The following SORCS1 variants were observed in gnomAD, a reference collection of about 807,000 sequenced individuals.
The protein encoded by SORCS1 is sortilin related VPS10 domain containing receptor 1.
SORCS1 carries 60 observed loss-of-function variants against 146.1 expected under a neutral mutation model. The observed-to-expected ratio is 0.41, with a 90% confidence interval of 0.33 to 0.51. The LOEUF is 0.51. SORCS1 is among the 20% of genes least tolerant of loss of function. The probability of loss-of-function intolerance (pLI) is 0.21; values close to 1 mark genes in which losing one functional copy is unlikely to be tolerated. For missense variants in SORCS1, 1,352 were observed against 1,487.6 expected (o/e 0.91, Z 1.50); for synonymous variants, 637 against 584.0 (o/e 1.09, Z -1.31).
chr10:106,759,126 T>C (rs1858884757), intron 5 of SORCS1, among the ~76,000 whole-genome samples: 4 of 152,202 alleles, frequency 2.6e-5, no homozygotes, highest in Non-Finnish European at 5.9e-5. Flanking sequence ...AAGATAAAAA[T>C]GCATTCCTCT....
chr10:106,691,771 C>A (rs1853316839), intron 9 of SORCS1, among the ~76,000 whole-genome samples: 1 of 152,186 alleles, frequency 6.6e-6, no homozygotes, highest in Admixed American at 6.5e-5. Flanking sequence ...CCCAACACTT[C>A]TCTGTTCTTT....
chr10:107,135,102 G>A (rs1967170896), intron 1 of SORCS1, among the ~76,000 whole-genome samples: 2 of 152,272 alleles, frequency 1.3e-5, no homozygotes, highest in East Asian at 3.9e-4. Context: ...TAATCAAAAG[G>A]GGACTGTGGG....
chr10:107,089,754 T>C (rs1465914258), intron 1 of SORCS1, among the ~76,000 whole-genome samples: 1 of 152,148 alleles, frequency 6.6e-6, no homozygotes, highest in Non-Finnish European at 1.5e-5. Context: ...ACAATGATAT[T>C]TGTCACATCT....
At chr10:107,112,841 G>A (rs773926650) in intron 1 of SORCS1, among the ~76,000 whole-genome samples, 9 of 152,008 alleles carry the variant, frequency 5.9e-5, no homozygotes, top group Non-Finnish European at 8.8e-5. Flanking sequence ...CAACACTGAC[G>A]CACCTAAACA....
At chr10:107,083,127 A>G (rs1017738772) in intron 1 of SORCS1, among the ~76,000 whole-genome samples, 3 of 151,676 alleles carry the variant, frequency 2.0e-5, no homozygotes, top group African/African-American at 7.3e-5. Flanking sequence ...AAAAAAAAAA[A>G]AAAAGAAAGT....
At chr10:106,974,220 C>CTCTAAAAGAAAGAAGGACCCTGGTACTCT in intron 1 of SORCS1, among the ~76,000 whole-genome samples, 1 of 152,230 alleles carries the variant, frequency 6.6e-6, no homozygotes, top group South Asian at 2.1e-4. Context: ...GAGTTCTATG[C>CTCTAAAAGAAAGAAGGACCCTGGTACTCT]TCTTAAATTG....
intron 2 of SORCS1, among the ~76,000 whole-genome samples, chr10:106,848,954 C>T (rs1002049705): frequency 6.0e-5 from 9 of 150,816 alleles, no homozygotes; most frequent in South Asian, 2.1e-4. Flanking sequence ...CCGAGAGATC[C>T]GCTGTTAGTC....
At chr10:107,122,514 A>C (rs1282738253) in intron 1 of SORCS1, among the ~76,000 whole-genome samples, 1 of 152,224 alleles carries the variant, frequency 6.6e-6, no homozygotes, top group Non-Finnish European at 1.5e-5. Context: ...CTTTTATCTG[A>C]AGAAGGAAAT....
chr10:106,824,559 A>G (rs1363625814), intron 3 of SORCS1, among the ~76,000 whole-genome samples: 1 of 151,080 alleles, frequency 6.6e-6, no homozygotes, highest in African/African-American at 2.4e-5. Flanking sequence ...ACTGCACTCC[A>G]GCCTGGGCAA....
intron 2 of SORCS1, among the ~76,000 whole-genome samples, chr10:106,888,626 G>T (rs1234313301): frequency 6.6e-6 from 1 of 152,166 alleles, no homozygotes; most frequent in Non-Finnish European, 1.5e-5. Context: ...GGCTTCACAG[G>T]TTTCTATTCC....
At chr10:106,937,972 G>GAAAAAAAA (rs76116094) in intron 2 of SORCS1, among the ~76,000 whole-genome samples, 37 of 129,116 alleles carry the variant, frequency 2.9e-4, no homozygotes, top group South Asian at 5.0e-4. Context: ...TCAAAAAGAA[G>GAAAAAAAA]AAAAAAAAAA....
At chr10:106,822,676 T>C (rs1948097408) in intron 3 of SORCS1, among the ~76,000 whole-genome samples, 1 of 151,930 alleles carries the variant, frequency 6.6e-6, no homozygotes, top group African/African-American at 2.4e-5. Flanking sequence ...CCTTTGGCCA[T>C]CATTCCTCAG....
chr10:107,080,517 T>A (rs893218157), intron 1 of SORCS1, among the ~76,000 whole-genome samples: 6 of 152,192 alleles, frequency 3.9e-5, no homozygotes, highest in Admixed American at 2.6e-4. Flanking sequence ...TCGCGTGTGG[T>A]CTGGTAACAA....
chr10:106,784,661 T>A (rs544277070), intron 3 of SORCS1, among the ~76,000 whole-genome samples: 45 of 152,312 alleles, frequency 3.0e-4, no homozygotes, highest in African/African-American at 9.9e-4. Flanking sequence ...TTTAAAATGT[T>A]AGCTGCTATC....
chr10:106,913,572 C>T (rs1030352533), intron 2 of SORCS1, among the ~76,000 whole-genome samples: 1 of 152,182 alleles, frequency 6.6e-6, no homozygotes, highest in Non-Finnish European at 1.5e-5. Flanking sequence ...ACAAGGGTTT[C>T]GTAGCTGGGT....
intron 17 of SORCS1, among the ~76,000 whole-genome samples, chr10:106,655,925 C>T (rs1040997547): frequency 6.6e-5 from 10 of 152,130 alleles, no homozygotes; most frequent in Non-Finnish European, 8.8e-5. Context: ...CTGCTACCTC[C>T]GTAATAACAA....
chr10:107,179,453 A>G, the SORCS1 span, among the ~76,000 whole-genome samples: 1 of 152,172 alleles, frequency 6.6e-6, no homozygotes, highest in African/African-American at 2.4e-5. Flanking sequence ...TCATTTCAAG[A>G]ATGTTATATA....
At position 107,061,072 on chromosome 10, in the gene SORCS1, A is replaced by C. The variant is rs1961170677; in HGVS notation, c.558+102897T>G. Among the ~76,000 whole-genome samples, 2 of 152,226 alleles carry C rather than the reference A, an allele frequency of 1.3e-5. 1 individual carries two copies. The highest frequency in any genetic ancestry group is 4.1e-4 in the South Asian group (2 of 4,826). On this transcript the variant is annotated intron_variant, in intron 1 of 25. Coordinates refer to ENST00000263054, the MANE Select transcript of SORCS1 (RefSeq NM_052918.5). ...AGCTATGCTAGTGATGTATTCCATC[A>C]AGAAAAAGGAAAGACAATTTTAAAG...
At chr10:106,962,393 TCAAAAAAA>T (rs1955269948) in intron 1 of SORCS1, among the ~76,000 whole-genome samples, 1 of 8,588 alleles carries the variant, frequency 1.2e-4, no homozygotes, top group African/African-American at 5.3e-4. Context: ...AAACTCCATC[TCAAAAAAA>T]AAAAAAAAAA....
Sources: allele counts gnomAD v4.1 joint callset (sites outside exome capture counted in the v4.1 genomes callset), GRCh38; gene constraint gnomAD v4.1.1; transcripts MANE v1.5; gene names NCBI Gene and HGNC (gene_info 2026-07-23, HGNC 2026-07-21).